The following PSMA1 variants were observed in gnomAD, a reference collection of about 807,000 sequenced individuals.
The protein encoded by PSMA1 is proteasome 20S subunit alpha 1.
A neutral mutation model predicts 38.4 loss-of-function variants in PSMA1; 3 were observed. That is an observed-to-expected ratio of 0.08 (90% CI 0.04 to 0.20). PSMA1 has a LOEUF of 0.20. Among genes scored for constraint, PSMA1 ranks in the 10% least tolerant of loss-of-function variants. The pLI, the probability that PSMA1 is intolerant of heterozygous loss-of-function variation, is 1.00. For missense variants in PSMA1, 227 were observed against 325.3 expected (o/e 0.70, Z 2.32); for synonymous variants, 101 against 107.1 (o/e 0.94, Z 0.35).
rs995571895 is a variant in PSMA1 at position 14,579,484 on chromosome 11, G to T, written c.21+31482C>A. On this transcript the variant is annotated intron_variant, in intron 2 of 10. Coordinates refer to the PSMA1 transcript ENST00000418988. Reference sequence around the variant, plus strand: ...TCCTTAACTTAATTACAGCTGCAAAGACTTTTTTTTTTTTTTTTTTTTTTT... The same window carrying T: ...TCCTTAACTTAATTACAGCTGCAAATACTTTTTTTTTTTTTTTTTTTTTTT... Among the ~76,000 whole-genome samples, 462 of 136,616 alleles carry T rather than the reference G, an allele frequency of 3.4e-3. 10 individuals are homozygous for T. Among genetic ancestry groups the T allele is most frequent in the Admixed American group, 0.03 (401 of 13,348 alleles). The allele number at this position is 136,616 out of a possible 152,430, so 89.6% of individuals were successfully genotyped here.
chr11:14,541,547 C>T (rs1851773089), intron 2 of PSMA1, among the ~76,000 whole-genome samples: 1 of 152,220 alleles, frequency 6.6e-6, no homozygotes, highest in African/African-American at 2.4e-5. Flanking sequence ...CCCTTCCGTG[C>T]TGACCTTTAA....
chr11:14,605,505 T>TC (rs1403421499), intron 2 of PSMA1, among the ~76,000 whole-genome samples: 1 of 152,134 alleles, frequency 6.6e-6, no homozygotes, highest in Non-Finnish European at 1.5e-5. Flanking sequence ...CATCTCAGCC[T>TC]CCCAAGTAGC....
At chr11:14,519,283 C>A in intron 1 of PSMA1, 1 of 562,976 alleles carries the variant, frequency 1.8e-6, no homozygotes, top group Non-Finnish European at 3.4e-6. Context: ...TTCTAACACC[C>A]TCCATATCAA....
intron 2 of PSMA1, among the ~76,000 whole-genome samples, chr11:14,558,590 C>T (rs554028604): frequency 9.9e-5 from 15 of 152,266 alleles, no homozygotes; most frequent in African/African-American, 3.4e-4. Flanking sequence ...AATGGGAGAA[C>T]GAATTGCAAG....
intron 2 of PSMA1, among the ~76,000 whole-genome samples, chr11:14,597,435 C>G (rs1038077848): frequency 2.0e-5 from 3 of 152,134 alleles, no homozygotes; most frequent in African/African-American, 7.2e-5. Context: ...TGTTATTGGT[C>G]TATTCAGAGA....
At chr11:14,593,580 T>A (rs1852447526) in intron 2 of PSMA1, among the ~76,000 whole-genome samples, 1 of 140,528 alleles carries the variant, frequency 7.1e-6, no homozygotes, top group Non-Finnish European at 1.5e-5. Context: ...CATTCCGGGG[T>A]TACTGTCAAA....
intron 2 of PSMA1, among the ~76,000 whole-genome samples, chr11:14,579,194 CTTT>C (rs1371755388): frequency 6.6e-6 from 1 of 152,172 alleles, no homozygotes; most frequent in East Asian, 1.9e-4. Context: ...TAAATCTATC[CTTT>C]TACTATTCTA....
chr11:14,525,568 CAGACAAGTCTT>C (rs1355908800), intron 2 of PSMA1, among the ~76,000 whole-genome samples: 2 of 152,150 alleles, frequency 1.3e-5, no homozygotes, highest in Non-Finnish European at 2.9e-5. Flanking sequence ...GTCCAAAAAC[CAGACAAGTCTT>C]ACAGGTTAGT....
chr11:14,511,008 T>C, intron 7 of PSMA1, 57 bp from the exon 8 acceptor site: 2 of 1,227,106 alleles, frequency 1.6e-6, no homozygotes. Context: ...TAGGCTTCTG[T>C]TATTTATCAA....
chr11:14,540,144 A>G (rs1020514399), intron 2 of PSMA1, among the ~76,000 whole-genome samples: 4 of 152,282 alleles, frequency 2.6e-5, no homozygotes, highest in East Asian at 1.9e-4. Flanking sequence ...AGCTCTGTTC[A>G]GATCTTCACT....
chr11:14,564,476 G>A (rs1852045633), intron 2 of PSMA1, among the ~76,000 whole-genome samples: 1 of 151,982 alleles, frequency 6.6e-6, no homozygotes, highest in African/African-American at 2.4e-5. Context: ...CCAGTTTTTG[G>A]TATTACAAAT....
At chr11:14,584,487 G>T (rs1441529015) in intron 2 of PSMA1, among the ~76,000 whole-genome samples, 1 of 150,972 alleles carries the variant, frequency 6.6e-6, no homozygotes, top group Non-Finnish European at 1.5e-5. Flanking sequence ...ATATGGTTTG[G>T]AGTGTTTTTT....
intron 1 of PSMA1, among the ~76,000 whole-genome samples, chr11:14,633,885 G>A (rs1003798181): frequency 6.6e-6 from 1 of 152,114 alleles, no homozygotes; most frequent in Non-Finnish European, 1.5e-5. Flanking sequence ...TATTAGGGTG[G>A]GAGTGACCCG....
intron 2 of PSMA1, among the ~76,000 whole-genome samples, chr11:14,596,145 T>G (rs570262187): frequency 2.5e-4 from 38 of 152,268 alleles, no homozygotes; most frequent in African/African-American, 8.2e-4. Flanking sequence ...TGGTTACTGT[T>G]GGCTTGTAGT....
intron 2 of PSMA1, among the ~76,000 whole-genome samples, chr11:14,569,017 G>T (rs1852105779): frequency 1.3e-5 from 2 of 152,210 alleles, no homozygotes; most frequent in African/African-American, 2.4e-5. Flanking sequence ...GAGAGGGGCT[G>T]CTGCAAAGGT....
At chr11:14,517,393 A>G (rs1851447643) in intron 4 of PSMA1, among the ~76,000 whole-genome samples, 1 of 152,248 alleles carries the variant, frequency 6.6e-6, no homozygotes, top group African/African-American at 2.4e-5. Flanking sequence ...AACGATATAC[A>G]TTGTATTAAC....
chr11:14,555,742 A>T (rs989947088), intron 2 of PSMA1, among the ~76,000 whole-genome samples: 2 of 152,038 alleles, frequency 1.3e-5, no homozygotes, highest in African/African-American at 4.8e-5. Flanking sequence ...ACCTATCCCC[A>T]TCCTCCCATT....
intron 2 of PSMA1, among the ~76,000 whole-genome samples, chr11:14,587,477 G>T (rs1852361428): frequency 6.6e-6 from 1 of 152,072 alleles, no homozygotes; most frequent in African/African-American, 2.4e-5. Flanking sequence ...TCCCAATTTT[G>T]CTAATCTGTG....
intron 2 of PSMA1, among the ~76,000 whole-genome samples, chr11:14,557,544 C>G (rs998088386): frequency 1.3e-5 from 2 of 152,152 alleles, no homozygotes; most frequent in Non-Finnish European, 2.9e-5. Context: ...GCCTGGCCAT[C>G]TTTTAATTTT....
Sources: gnomAD v4.1 joint callset for allele counts (sites outside exome capture counted in the v4.1 genomes callset) on GRCh38, gnomAD v4.1.1 for gene constraint, MANE v1.5 for transcripts, NCBI Gene and HGNC (gene_info 2026-07-23, HGNC 2026-07-21) for gene names.